The following ATP2C1 variants were observed in gnomAD, a reference collection of about 807,000 sequenced individuals.
ATP2C1 encodes the protein ATPase secretory pathway Ca2+ transporting 1.
ATP2C1 carries 31 observed loss-of-function variants against 120.5 expected under a neutral mutation model. The observed-to-expected ratio is 0.26, with a 90% CI of 0.19 to 0.35. The LOEUF is 0.35. Among genes scored for constraint, ATP2C1 ranks in the 10% least tolerant of loss-of-function variants. The pLI is 1.00. For missense variants in ATP2C1, 731 were observed against 1,107.5 expected, an observed-to-expected ratio of 0.66 and a Z score of 4.83; for synonymous variants, 351 against 358.7, an observed-to-expected ratio of 0.98 and a Z score of 0.24.
At position 130,894,326 on chromosome 3, in the gene ATP2C1, C is replaced by T. The variant is rs2069380015; in HGVS notation, c.-192C>T. ...ACCCCGCAGCCTGGAGGAGGGCTGT[C>T]CGGGGCTTTGGGTGGGTACCAGTAT... On this transcript the variant is annotated 5_prime_UTR_variant, in exon 1 of 28. Coordinates refer to ENST00000510168, the MANE Select transcript of ATP2C1 (RefSeq NM_001378687.1). This position sits in a 1 kb window ranked among gnomAD's most constrained non-coding sequence, Gnocchi z 4.5. 4.0e-6 allele frequency: 4 copies of T among 994,798 alleles called. No homozygotes were observed. The Admixed American group carries it at 2.3e-4, about 57-fold the overall frequency. The allele number at this position is 994,798 out of a possible 1,614,324, so 61.6% of individuals were successfully genotyped here.
chr3:130,927,370 A>G (rs1431540542), intron 2 of ATP2C1, among the ~76,000 whole-genome samples: 7 of 151,346 alleles, frequency 4.6e-5, no homozygotes. Context: ...CTTCCTGAGT[A>G]GCTGTGACTA....
downstream of ATP2C1, among the ~76,000 whole-genome samples, chr3:131,003,388 C>T (rs1221323212): frequency 1.3e-5 from 2 of 152,170 alleles, no homozygotes; most frequent in Non-Finnish European, 2.9e-5. Context: ...ACCCTATTTC[C>T]TAATCCTAGG....
intron 13 of ATP2C1, 65 bp downstream of exon 13, chr3:130,964,160 T>G: frequency 6.4e-7 from 1 of 1,573,194 alleles, no homozygotes; most frequent in Non-Finnish European, 8.7e-7. Flanking sequence ...GTGAATCATC[T>G]CAGAGTTTTA....
At chr3:130,956,243 G>T in intron 11 of ATP2C1, 64 bp downstream of exon 11, 2 of 1,001,042 alleles carry the variant, frequency 2.0e-6, no homozygotes, top group South Asian at 2.8e-5. Context: ...GTGAAGGGTG[G>T]TGGTATTCTA....
At chr3:130,892,632 C>T (rs566825996), upstream of ATP2C1, among the ~76,000 whole-genome samples, 2 of 145,946 alleles carry the variant, frequency 1.4e-5, no homozygotes, top group Middle Eastern at 8.7e-3. Flanking sequence ...CAGGCAACCC[C>T]GTCCGTTAAT....
chr3:130,931,985 A>C, intron 3 of ATP2C1, 37 bp from the exon 4 acceptor site: 1 of 1,329,312 alleles, frequency 7.5e-7, no homozygotes. Context: ...TTTCTGTGCT[A>C]ACATTTTCAA....
At chr3:130,901,853 A>G (rs185129787) in intron 2 of ATP2C1, among the ~76,000 whole-genome samples, 5 of 151,978 alleles carry the variant, frequency 3.3e-5, no homozygotes, top group Admixed American at 2.6e-4. Flanking sequence ...TCATCTCAGG[A>G]TTGTTTTGCC....
chr3:130,965,449 T>C (rs183704411), intron 14 of ATP2C1, among the ~76,000 whole-genome samples: 214 of 152,220 alleles, frequency 1.4e-3, no homozygotes, highest in Middle Eastern at 6.8e-3. Context: ...GTTTGAGGGA[T>C]CTTTTTAGAA....
intron 20 of ATP2C1, among the ~76,000 whole-genome samples, chr3:130,991,151 G>T (rs1406143037): frequency 6.6e-6 from 1 of 152,140 alleles, no homozygotes; most frequent in African/African-American, 2.4e-5. Context: ...CATCAAGAGG[G>T]ATCAGGAGAA....
At chr3:130,909,794 G>C (rs1466828161) in intron 2 of ATP2C1, among the ~76,000 whole-genome samples, 2 of 152,070 alleles carry the variant, frequency 1.3e-5, no homozygotes, top group African/African-American at 4.8e-5. Flanking sequence ...AATTATTATT[G>C]TAGAGCCTTA....
chr3:131,015,552 A>G (rs747938670), intron 26 of ATP2C1, among the ~76,000 whole-genome samples: 3 of 152,154 alleles, frequency 2.0e-5, no homozygotes, highest in Admixed American at 6.6e-5. Flanking sequence ...TTGCCTGGTA[A>G]AGCAAACATC....
chr3:130,950,809 A>C (rs1402004987), intron 8 of ATP2C1, among the ~76,000 whole-genome samples: 3 of 152,130 alleles, frequency 2.0e-5, no homozygotes, highest in African/African-American at 7.2e-5. Flanking sequence ...TCTGAGGCTG[A>C]AACCAAAGAG....
chr3:130,950,347 T>TA (rs1341096027), intron 8 of ATP2C1, among the ~76,000 whole-genome samples: 1 of 152,134 alleles, frequency 6.6e-6, no homozygotes, highest in Non-Finnish European at 1.5e-5. Context: ...GTTTAATACT[T>TA]AAACTTCTGG....
chr3:130,884,745 T>A (rs956663105), intron 1 of ATP2C1, among the ~76,000 whole-genome samples: 2 of 152,204 alleles, frequency 1.3e-5, no homozygotes, highest in Non-Finnish European at 2.9e-5. Flanking sequence ...TCTTTATCAT[T>A]ATATGATGAC....
rs543929935 is a variant in ATP2C1 at position 130,884,152 on chromosome 3, G to A, written c.108+33224G>A. Among the ~76,000 whole-genome samples the A allele has an allele frequency of 5.3e-5, 8 of 151,588 alleles. No individual in the cohort carries two copies. In the East Asian group the frequency reaches 1.4e-3, roughly 26 times the overall value. The stretch of plus-strand genomic sequence containing the variant: ...GAGGGGGTTTCACGACATTGGCCAG[G>A]CTGGTCTCCAACTCCTGACCTCAGG... On this transcript the variant is annotated intron_variant, in intron 1 of 26. Transcript: ENST00000504381.
At chr3:130,991,827 TGGG>T (rs2062364832) in intron 20 of ATP2C1, among the ~76,000 whole-genome samples, 1 of 152,136 alleles carries the variant, frequency 6.6e-6, no homozygotes, top group African/African-American at 2.4e-5. Flanking sequence ...GATACTGAGT[TGGG>T]GGAATTGTGG....
Position 130,894,479 on chromosome 3 carries a change from C to T in ATP2C1, c.-180-111C>T. Reference sequence around the variant, plus strand: ...GTGAGCTGGGGACGTTGCGGGCACACGACGGGGCGGGTGCGGGATCTTGGG... The same window carrying T: ...GTGAGCTGGGGACGTTGCGGGCACATGACGGGGCGGGTGCGGGATCTTGGG... On this transcript the variant is annotated intron_variant, in intron 1 of 27. Coordinates refer to ENST00000510168, the MANE Select transcript of ATP2C1 (RefSeq NM_001378687.1). This position sits in a 1 kb window ranked among gnomAD's most constrained non-coding sequence, Gnocchi z 4.5. 1.5e-6 allele frequency: 2 copies of T among 1,363,626 alleles called. No homozygotes were observed. The highest frequency in any genetic ancestry group is 1.9e-6 in the Non-Finnish European group (2 of 1,056,020). The allele number at this position is 1,363,626 out of a possible 1,614,324, so 84.5% of individuals were successfully genotyped here.
chr3:130,942,422 G>C (rs2059963500), intron 8 of ATP2C1, among the ~76,000 whole-genome samples: 1 of 152,154 alleles, frequency 6.6e-6, no homozygotes. Context: ...ATGGAGATAG[G>C]CACCTAGTTT....
exon 27 of ATP2C1, chr3:131,016,499 G>T: frequency 3.9e-6 from 3 of 777,390 alleles, no homozygotes; most frequent in Non-Finnish European, 4.0e-6. Context: ...TGTATAAATT[G>T]AAATATTGAT....
Sources: gnomAD v4.1 joint callset for allele counts (sites outside exome capture counted in the v4.1 genomes callset) on GRCh38, gnomAD v4.1.1 for gene constraint, Gnocchi (gnomAD v3.1) non-coding constraint, MANE v1.5 for transcripts, NCBI Gene and HGNC (gene_info 2026-07-23, HGNC 2026-07-21) for gene names.